Variants in MYO1H observed in about 807,000 individuals in gnomAD.
MYO1H encodes the protein unconventional myosin-Ih.
Under a neutral mutation model 149.3 loss-of-function variants are expected in MYO1H, and 118 were observed. That is an observed-to-expected ratio of 0.79 (90% CI 0.68 to 0.92). The LOEUF is 0.92. MYO1H is among the 40% of genes least tolerant of loss of function. The pLI is 0.00. For missense variants in MYO1H, 1,212 were observed against 1,280.7 expected (o/e 0.95, Z 0.82); for synonymous variants, 447 against 465.2 (o/e 0.96, Z 0.50).
intron 22 of MYO1H, among the ~76,000 whole-genome samples, chr12:109,437,904 A>G (rs1218480527): frequency 6.6e-6 from 1 of 151,788 alleles, no homozygotes; most frequent in Non-Finnish European, 1.5e-5. Flanking sequence ...CCTGCCCAAC[A>G]TGGCGAAACC....
At chr12:109,343,874 A>G (rs984706021), upstream of MYO1H, among the ~76,000 whole-genome samples, 9 of 152,170 alleles carry the variant, frequency 5.9e-5, no homozygotes, top group African/African-American at 2.2e-4. Context: ...ACAATGTACA[A>G]GGCATTGCAC....
At chr12:109,373,439 T>A (rs1174533749) in intron 1 of MYO1H, among the ~76,000 whole-genome samples, 3 of 152,118 alleles carry the variant, frequency 2.0e-5, no homozygotes, top group African/African-American at 7.2e-5. Context: ...AATGCTTTTT[T>A]AAAACTTAGA....
the MYO1H span, among the ~76,000 whole-genome samples, chr12:109,326,486 A>ATTT: frequency 1.5e-5 from 2 of 137,354 alleles, no homozygotes; most frequent in Non-Finnish European, 3.1e-5. Flanking sequence ...CCTTTTTTTT[A>ATTT]TATTTTATTT....
At chr12:109,349,862 G>A (rs1868425270) in intron 1 of MYO1H, among the ~76,000 whole-genome samples, 1 of 151,238 alleles carries the variant, frequency 6.6e-6, no homozygotes, top group African/African-American at 2.4e-5. Context: ...TCGGGAGGCT[G>A]AGGCAGGAGA....
At chr12:109,331,966 T>A in the MYO1H span, among the ~76,000 whole-genome samples, 1 of 152,180 alleles carries the variant, frequency 6.6e-6, no homozygotes, top group East Asian at 1.9e-4. Flanking sequence ...GCTATTTAAC[T>A]CCTCTATGCT....
intron 9 of MYO1H, 112 bp downstream of exon 9, chr12:109,406,972 C>G: frequency 2.2e-6 from 2 of 911,360 alleles, no homozygotes; most frequent in South Asian, 1.4e-5. Flanking sequence ...CCTAGCTCAC[C>G]AGGCCCTGCG....
intron 31 of MYO1H, 138 bp from the exon 32 acceptor site, chr12:109,447,021 T>A: frequency 2.4e-6 from 2 of 821,962 alleles, no homozygotes; most frequent in Non-Finnish European, 2.0e-6. Flanking sequence ...GTCTGGCTTG[T>A]CTCATGGGAG....
the MYO1H span, among the ~76,000 whole-genome samples, chr12:109,331,407 C>T: frequency 6.9e-6 from 1 of 145,934 alleles, no homozygotes; most frequent in African/African-American, 2.6e-5. Context: ...TGCTTCCACT[C>T]AAGGTAGAAG....
rs113691158 is a variant in MYO1H, at chr12:109,401,360, AT to A, written c.750+90del. On this transcript the variant is annotated intron_variant, in intron 6 of 31. Coordinates refer to ENST00000310903, the Ensembl canonical transcript of MYO1H. The stretch of plus-strand genomic sequence containing the variant: ...CGTGCTGCTGTAGGATGTTTGAGAC[AT>A]TCTATTACCATCCTGCTATGTGTCC... 3.0e-5 allele frequency: 40 copies of A among 1,337,724 alleles called. 1 individual carries two copies. The African/African-American group carries it at 4.4e-4, about 15-fold the overall frequency. The allele number at this position is 1,337,724 out of a possible 1,614,324, so 82.9% of individuals were successfully genotyped here.
chr12:109,365,712 A>C (rs1348512194), intron 1 of MYO1H, among the ~76,000 whole-genome samples: 1 of 152,192 alleles, frequency 6.6e-6, no homozygotes, highest in South Asian at 2.1e-4. Context: ...TAAGATGATG[A>C]GATGACCAAT....
exon 6 of MYO1H, chr12:109,401,128 G>C: frequency 6.2e-7 from 1 of 1,613,954 alleles, no homozygotes; most frequent in Non-Finnish European, 8.5e-7. Flanking sequence ...TCAGTTACTT[G>C]ATAGAGAAGT....
intron 19 of MYO1H, 104 bp from the exon 20 acceptor site, chr12:109,432,793 C>G: frequency 1.1e-6 from 1 of 879,410 alleles, no homozygotes; most frequent in Admixed American, 1.9e-5. Context: ...ACTGAGTGGC[C>G]GACATGCCAC....
At chr12:109,387,125 C>G (rs1241284162) in intron 1 of MYO1H, among the ~76,000 whole-genome samples, 1 of 151,898 alleles carries the variant, frequency 6.6e-6, no homozygotes, top group Non-Finnish European at 1.5e-5. Context: ...AGATGGGAAT[C>G]TCCCTGTGTT....
chr12:109,311,823 AG>A, the MYO1H span, among the ~76,000 whole-genome samples: 1 of 152,234 alleles, frequency 6.6e-6, no homozygotes, highest in African/African-American at 2.4e-5. Flanking sequence ...ACACAAACCC[AG>A]TTTACCAGAC....
At chr12:109,343,256 G>T (rs2048092359), upstream of MYO1H, among the ~76,000 whole-genome samples, 1 of 152,180 alleles carries the variant, frequency 6.6e-6, no homozygotes, top group African/African-American at 2.4e-5. Context: ...ACACACATAG[G>T]TAAGTTTGTA....
intron 3 of MYO1H, 133 bp from the exon 4 acceptor site, chr12:109,396,251 C>T: frequency 1.5e-6 from 1 of 684,364 alleles, no homozygotes; most frequent in South Asian, 2.0e-5. Context: ...TGTGTTTGAG[C>T]TCATTGTCCT....
chr12:109,342,541 C>CT, the MYO1H span, among the ~76,000 whole-genome samples: 34,460 of 100,524 alleles, frequency 0.34, 7,537 homozygotes, highest in Non-Finnish European at 0.42. Context: ...CTTCAGGAGA[C>CT]TTTTTTTTTT....
At chr12:109,313,851 C>T in the MYO1H span, among the ~76,000 whole-genome samples, 2 of 152,018 alleles carry the variant, frequency 1.3e-5, no homozygotes, top group African/African-American at 4.8e-5. Flanking sequence ...TATGTCCAGG[C>T]ATTCCTTTAT....
chr12:109,375,964 G>A (rs1011568927), intron 1 of MYO1H, among the ~76,000 whole-genome samples: 3 of 152,164 alleles, frequency 2.0e-5, no homozygotes, highest in Admixed American at 2.0e-4. Flanking sequence ...GGGCAACAGA[G>A]CAAGACCCTG....
Sources: gnomAD v4.1 joint callset for allele counts (sites outside exome capture counted in the v4.1 genomes callset) on GRCh38, gnomAD v4.1.1 for gene constraint, MANE v1.5 for transcripts, NCBI Gene and HGNC (gene_info 2026-07-23, HGNC 2026-07-21) for gene names.